TIAM1: variants seen among roughly 807,000 people sequenced by gnomAD.
The protein encoded by TIAM1 is TIAM Rac1 associated GEF 1.
Under a neutral mutation model 163.5 loss-of-function variants are expected in TIAM1, and 65 were observed. The ratio of observed to expected loss-of-function variants is 0.40; its 90% CI spans 0.33 to 0.49. The LOEUF is 0.49. TIAM1 is among the 20% of genes least tolerant of loss of function. TIAM1 has a pLI of 0.77. For synonymous variants in TIAM1, 833 were observed against 810.1 expected (o/e 1.03, Z -0.48); for missense variants, 1,789 against 2,044.7 (o/e 0.87, Z 2.41).
At chr21:31,387,590 G>C (rs1302019757) in intron 2 of TIAM1, among the ~76,000 whole-genome samples, 2 of 152,044 alleles carry the variant, frequency 1.3e-5, no homozygotes, top group Admixed American at 6.5e-5. Flanking sequence ...AAGGGGAAAA[G>C]AGGAATCAGT....
chr21:31,138,580 C>T (rs895416328), intron 22 of TIAM1, among the ~76,000 whole-genome samples: 4 of 152,180 alleles, frequency 2.6e-5, no homozygotes, highest in Non-Finnish European at 5.9e-5. Context: ...CACAATCACC[C>T]GCCTGAGTCT....
chr21:31,207,166 G>A (rs1018028167), intron 11 of TIAM1, among the ~76,000 whole-genome samples: 5 of 152,180 alleles, frequency 3.3e-5, no homozygotes, highest in African/African-American at 1.2e-4. Flanking sequence ...GTAACGATCA[G>A]AATATATCCA....
intron 1 of TIAM1, among the ~76,000 whole-genome samples, chr21:31,473,102 C>T (rs577795846): frequency 1.3e-5 from 2 of 152,074 alleles, no homozygotes; most frequent in Non-Finnish European, 2.9e-5. Context: ...GGGGTTTTCC[C>T]ACTCTGTTGT....
At position 31,411,803 on chromosome 21, in the gene TIAM1, T is replaced by A. The variant is rs529937291; in HGVS notation, c.-369+52180A>T. ...AATAAATGTTATTTACAAAAACAGA[T>A]GACAGGCGGGATCTGGCCTGCAGGC... On this transcript the variant is annotated intron_variant, in intron 2 of 28. Coordinates refer to the TIAM1 transcript ENST00000286827. 5.3e-5 allele frequency among the ~76,000 whole-genome samples: 8 copies of A among 152,224 alleles called. No homozygotes were observed. In the South Asian group the frequency reaches 1.7e-3, roughly 32 times the overall value.
intron 23 of TIAM1, among the ~76,000 whole-genome samples, chr21:31,132,949 C>T (rs1043053093): frequency 2.6e-5 from 4 of 152,248 alleles, no homozygotes; most frequent in African/African-American, 9.6e-5. Flanking sequence ...CATGAGCCAT[C>T]CTGTGAAACA....
At chr21:31,237,723 T>C (rs778730302) in intron 6 of TIAM1, among the ~76,000 whole-genome samples, 3 of 152,184 alleles carry the variant, frequency 2.0e-5, no homozygotes, top group Non-Finnish European at 4.4e-5. Context: ...CTGCATATGA[T>C]TTTCTACTCT....
In TIAM1 at chr21:31,537,532, G is replaced by A. The variant is rs532326024; in HGVS notation, c.-422+21395C>T. On this transcript the variant is annotated intron_variant, in intron 1 of 28. Coordinates refer to the TIAM1 transcript ENST00000286827. The stretch of plus-strand genomic sequence containing the variant: ...TTTGGGAGGCTAAGGTGGGTGGATC[G>A]CTCGAGGCCAGGAGTTCAAGACCAG... 1.5e-4 allele frequency among the ~76,000 whole-genome samples: 23 copies of A among 151,790 alleles called. No individual in the cohort carries two copies. The South Asian group carries it at 3.5e-3, about 23-fold the overall frequency.
chr21:31,130,139 G>A, intron 25 of TIAM1, 74 bp downstream of exon 25: 1 of 1,187,936 alleles, frequency 8.4e-7, no homozygotes, highest in Non-Finnish European at 1.2e-6. Flanking sequence ...GACCAAGAGT[G>A]TGGATTCAAA....
At chr21:31,334,452 G>A (rs541327287) in intron 2 of TIAM1, among the ~76,000 whole-genome samples, 31 of 152,198 alleles carry the variant, frequency 2.0e-4, no homozygotes, top group African/African-American at 7.5e-4. Flanking sequence ...GCACTCGGCT[G>A]TTCTTCATCA....
At position 31,154,280 on chromosome 21, in the gene TIAM1, G is replaced by A. The variant is rs766571352; in HGVS notation, c.3138C>T (p.Cys1046=). Residue 1046 remains cysteine (C), a synonymous_variant, in exon 17 of 28, where the codon TGC becomes TGT. Coordinates refer to ENST00000541036, the MANE Select transcript of TIAM1 (RefSeq NM_001353694.2). ...AGGTGCGCTCCGTCTCCAGGAGCTC[G>A]CAGATCACCTTGCGCAGCTTATCTG... ...SDADKLRKVI[C]ELLETERTYV... 24 of 1,613,936 alleles carry A rather than the reference G, an allele frequency of 1.5e-5. 1 individual carries two copies. The Admixed American group carries it at 1.8e-4, about 12-fold the overall frequency.
intron 4 of TIAM1, among the ~76,000 whole-genome samples, chr21:31,262,855 A>C (rs2072552042): frequency 6.6e-6 from 1 of 152,164 alleles, no homozygotes; most frequent in East Asian, 1.9e-4. Flanking sequence ...ATTCAACTAC[A>C]TCATCAGGGC....
At chr21:31,498,879 G>A (rs1276477593) in intron 1 of TIAM1, among the ~76,000 whole-genome samples, 1 of 151,956 alleles carries the variant, frequency 6.6e-6, no homozygotes, top group Admixed American at 6.6e-5. Context: ...CCGGGAGGCG[G>A]GGGTTGCAGT....
At chr21:31,396,001 T>C (rs2077061727) in intron 2 of TIAM1, among the ~76,000 whole-genome samples, 1 of 152,222 alleles carries the variant, frequency 6.6e-6, no homozygotes, top group African/African-American at 2.4e-5. Flanking sequence ...TGAAATTGAT[T>C]GGGATATAGG....
At chr21:31,438,177 A>ATT (rs2044280144) in intron 2 of TIAM1, among the ~76,000 whole-genome samples, 1 of 99,658 alleles carries the variant, frequency 1.0e-5, no homozygotes, top group African/African-American at 4.5e-5. Context: ...CGTATTTGTG[A>ATT]TCTTTTTTTT....
intron 9 of TIAM1, among the ~76,000 whole-genome samples, chr21:31,215,419 G>C (rs2087125792): frequency 6.6e-6 from 1 of 151,936 alleles, no homozygotes; most frequent in Non-Finnish European, 1.5e-5. Context: ...AAGTTAGCTG[G>C]GTGTGGTGGC....
chr21:31,197,060 GCAA>G (rs2085895483), intron 12 of TIAM1, among the ~76,000 whole-genome samples: 1 of 152,106 alleles, frequency 6.6e-6, no homozygotes, highest in South Asian at 2.1e-4. Context: ...CATAAAAATG[GCAA>G]CAATAGATAC....
intron 1 of TIAM1, among the ~76,000 whole-genome samples, chr21:31,501,586 TTTTGTTTGTTTG>T (rs61313235): frequency 1.2e-4 from 18 of 150,746 alleles, no homozygotes; most frequent in East Asian, 5.9e-4. Context: ...ATGAAGTGGT[TTTTGTTTGTTTG>T]TTTGTTTGTT....
chr21:31,340,438 C>T (rs146458126), intron 1 of TIAM1, among the ~76,000 whole-genome samples: 293 of 152,254 alleles, frequency 1.9e-3, no homozygotes, highest in Non-Finnish European at 2.9e-3. Context: ...TGCTTAGAAA[C>T]TCCAAGGTCT....
At chr21:31,450,354 G>T (rs1038102576) in intron 2 of TIAM1, among the ~76,000 whole-genome samples, 1 of 152,186 alleles carries the variant, frequency 6.6e-6, no homozygotes, top group Non-Finnish European at 1.5e-5. Flanking sequence ...GAAGCAGGTC[G>T]TGCTTATTAA....
Sources: allele counts gnomAD v4.1 joint callset (sites outside exome capture counted in the v4.1 genomes callset), GRCh38; gene constraint gnomAD v4.1.1; transcripts MANE v1.5; gene names NCBI Gene and HGNC (gene_info 2026-07-23, HGNC 2026-07-21).